The following ZZEF1 variants were observed in gnomAD, a reference collection of about 807,000 sequenced individuals.
The protein encoded by ZZEF1 is zinc finger ZZ-type and EF-hand domain containing 1.
ZZEF1 carries 157 observed loss-of-function variants against 342.8 expected under a neutral mutation model. The observed-to-expected ratio is 0.46, with a 90% confidence interval of 0.40 to 0.52. The LOEUF is 0.52. Among genes scored for constraint, ZZEF1 ranks in the 20% least tolerant of loss-of-function variants. The pLI is 0.00. For missense variants in ZZEF1, 3,480 were observed against 3,725.6 expected (o/e 0.93, Z 1.72); for synonymous variants, 1,505 against 1,429.1 (o/e 1.05, Z -1.20).
chr17:4,007,475 T>A (rs2055830300), intron 54 of ZZEF1, among the ~76,000 whole-genome samples: 1 of 151,168 alleles, frequency 6.6e-6, no homozygotes, highest in Non-Finnish European at 1.5e-5. Context: ...GGGAGAAACG[T>A]CAGGACACTG....
chr17:4,102,014 C>A (rs980579574), intron 9 of ZZEF1, among the ~76,000 whole-genome samples: 11 of 151,946 alleles, frequency 7.2e-5, no homozygotes. Flanking sequence ...GAAGATAACA[C>A]AATAGAAAGA....
rs1339227884 is a variant in ZZEF1, at chr17:4,016,303, C to T, written c.8145+20G>A. ...CTGCGGCTCAGTCGCTCTTATGGGG[C>T]CTGCCGGCCCCAGGCTTACCTCGAA... On this transcript the variant is annotated intron_variant, in intron 49 of 54. Coordinates refer to ENST00000381638, the MANE Select transcript of ZZEF1 (RefSeq NM_015113.4). This position sits in a 1 kb window ranked among gnomAD's most constrained non-coding sequence, Gnocchi z 4.4. The T allele has an allele frequency of 6.2e-7, 1 of 1,604,196 alleles. No homozygotes were observed. Among genetic ancestry groups the T allele is most frequent in the Non-Finnish European group, 8.5e-7 (1 of 1,176,666 alleles).
rs774456279 is a variant in ZZEF1 at position 4,104,643 on chromosome 17, G to C, written c.1563C>G (p.Leu521=). The change falls in exon 8 of 55, where the codon CTC becomes CTG. Residue 521 remains leucine, a synonymous_variant. Transcript: ENST00000381638. The part of the protein sequence containing the change: ...LSMASVRQNL[L]LKYGKPLQLT... ...TTTTACCATATTTACCATATTTGAG[G>C]AGCAGGTTCTGTCTGACTGACGCCA... The C allele has an allele frequency of 2.5e-6, 4 of 1,613,682 alleles. No homozygotes were observed. Among genetic ancestry groups the C allele is most frequent in the Non-Finnish European group, 3.4e-6 (4 of 1,179,898 alleles).
chr17:4,093,293 T>C (rs992702357), intron 11 of ZZEF1, among the ~76,000 whole-genome samples: 1 of 152,198 alleles, frequency 6.6e-6, no homozygotes, highest in African/African-American at 2.4e-5. Context: ...TAAAAAGGCA[T>C]ACACGTGTAA....
chr17:4,081,098 C>T lies in ZZEF1; in HGVS notation c.2829+278G>A, dbSNP rs567381910. On this transcript the variant is annotated intron_variant, in intron 18 of 54. Transcript: ENST00000381638. ...ACAAATAATTTAAAAATTAGCTGGG[C>T]GTGGTGGCGTGTGCCTGTGTCCCAG... Among the ~76,000 whole-genome samples the T allele has an allele frequency of 1.3e-4, 20 of 152,072 alleles. No individual in the cohort carries two copies. The East Asian group carries it at 2.3e-3, about 18-fold the overall frequency.
chr17:4,125,769 T>C (rs2058563337), intron 1 of ZZEF1, among the ~76,000 whole-genome samples: 1 of 151,988 alleles, frequency 6.6e-6, no homozygotes, highest in Admixed American at 6.6e-5. Context: ...CTGTGCCCTG[T>C]TGGGGGAATC....
At chr17:4,106,353 T>C (rs139973375) in intron 6 of ZZEF1, among the ~76,000 whole-genome samples, 2 of 152,068 alleles carry the variant, frequency 1.3e-5, no homozygotes, top group African/African-American at 4.8e-5. Flanking sequence ...CTCTGTTGAA[T>C]AAAACTTATT....
intron 30 of ZZEF1, among the ~76,000 whole-genome samples, chr17:4,061,513 C>T (rs368178678): frequency 1.1e-4 from 16 of 152,102 alleles, no homozygotes; most frequent in East Asian, 5.8e-4. Flanking sequence ...GACTTCTTTC[C>T]GTAACTTTAG....
intron 11 of ZZEF1, among the ~76,000 whole-genome samples, chr17:4,093,144 T>A (rs140147484): frequency 3.3e-5 from 5 of 152,046 alleles, no homozygotes; most frequent in African/African-American, 1.2e-4. Context: ...AAAAAAATCA[T>A]CCTGTATAAG....
chr17:4,087,385 ATTG>A, intron 14 of ZZEF1, 46 bp downstream of exon 14: 2 of 1,470,812 alleles, frequency 1.4e-6, no homozygotes, highest in South Asian at 2.5e-5. Flanking sequence ...AGTAAAACTC[ATTG>A]TTTTCAGTTT....
chr17:4,097,476 GGAAAAAAAAAAA>G (rs2058056792), intron 9 of ZZEF1, among the ~76,000 whole-genome samples: 1 of 113,964 alleles, frequency 8.8e-6, no homozygotes, highest in Non-Finnish European at 1.8e-5. Flanking sequence ...CTTTGAAATG[GGAAAAAAAAAAA>G]AAAAAAAAAA....
intron 1 of ZZEF1, among the ~76,000 whole-genome samples, chr17:4,137,269 C>T (rs1028773327): frequency 6.6e-6 from 1 of 152,130 alleles, no homozygotes; most frequent in South Asian, 2.1e-4. Flanking sequence ...GAAACCAATA[C>T]CATTAACTCC....
Position 4,005,179 on chromosome 17 carries a change from C to CG in ZZEF1, c.*1710_*1711insC, listed in dbSNP as rs1167265388. On this transcript the variant is annotated 3_prime_UTR_variant, in exon 55 of 55. Coordinates refer to ENST00000381638, the MANE Select transcript of ZZEF1 (RefSeq NM_015113.4). ...CCTGTGAGTCCCCTCTTGGGAAACT[C>CG]CTTACTGGGAGGCCTCCTCGGGTCT... The CG allele has an allele frequency of 6.6e-6, 1 of 152,298 alleles. No homozygotes were observed. The highest frequency in any genetic ancestry group is 1.9e-4 in the East Asian group (1 of 5,198). The allele number at this position is 152,298 out of a possible 1,614,324, so 9.4% of individuals were successfully genotyped here.
Position 4,070,867 on chromosome 17 carries a change from C to T in ZZEF1, c.3892G>A (p.Glu1298Lys), listed in dbSNP as rs1369666083. ...RHFLLDFAQS[E>K]PAQNFCGPYS... ...GGCCCACAGAAGTTCTGAGCAGGCT[C>T]TGACTGGGCAAAATCAAGAAGAAAA... Residue 1298 changes from glutamate (E) to lysine (K), a missense_variant, in exon 26 of 55, where the codon GAG becomes AAG. Physicochemically the swap from Glu to Lys is moderately conservative, Grantham distance 56. Around this residue, in one of 5 missense-constraint regions of ZZEF1, gnomAD observed 1,528 missense variants for 1,624.1 expected, o/e 0.94. Coordinates refer to ENST00000381638, the MANE Select transcript of ZZEF1 (RefSeq NM_015113.4). 1 of 1,613,984 alleles carries T rather than the reference C, an allele frequency of 6.2e-7. No individual in the cohort carries two copies. Among genetic ancestry groups the T allele is most frequent in the Non-Finnish European group, 8.5e-7 (1 of 1,180,034 alleles).
intron 13 of ZZEF1, among the ~76,000 whole-genome samples, chr17:4,088,251 A>G (rs2057877400): frequency 6.6e-6 from 1 of 152,202 alleles, no homozygotes; most frequent in South Asian, 2.1e-4. Flanking sequence ...GTTAGAAATC[A>G]AAAAATCATT....
Position 4,096,054 on chromosome 17 carries a change from A to G in ZZEF1, c.1765-75T>C, listed in dbSNP as rs2145410140. On this transcript the variant is annotated intron_variant, in intron 10 of 54. Coordinates refer to ENST00000381638, the MANE Select transcript of ZZEF1 (RefSeq NM_015113.4). The stretch of plus-strand genomic sequence containing the variant: ...GGCCGTTTTGTTTCCAGCATGGTTA[A>G]ATTCAAACAGGTTAAAACAAAACGA... The G allele has an allele frequency of 2.0e-6, 3 of 1,482,566 alleles. No homozygotes were observed. The East Asian group carries it at 6.9e-5, about 34-fold the overall frequency. 91.8% of individuals were successfully genotyped at this position (1,482,566 alleles called of 1,614,324 possible).
At chr17:4,015,106 G>A (rs1447324154) in intron 49 of ZZEF1, among the ~76,000 whole-genome samples, 2 of 152,132 alleles carry the variant, frequency 1.3e-5, no homozygotes, top group Non-Finnish European at 2.9e-5. Flanking sequence ...CAGCTGGTGT[G>A]GAGCAAGGCT....
chr17:4,070,328 G>T (rs2057483696), intron 26 of ZZEF1, among the ~76,000 whole-genome samples: 1 of 152,216 alleles, frequency 6.6e-6, no homozygotes, highest in African/African-American at 2.4e-5. Flanking sequence ...CTGAGGTGCA[G>T]AAAGGTCGTC....
intron 13 of ZZEF1, 102 bp downstream of exon 13, chr17:4,088,576 G>A (rs2057884281): frequency 1.6e-6 from 2 of 1,256,098 alleles, no homozygotes; most frequent in South Asian, 1.4e-5. Flanking sequence ...CCATCCTATT[G>A]GCTTCCGCAG....
Sources: allele counts gnomAD v4.1 joint callset (sites outside exome capture counted in the v4.1 genomes callset), GRCh38; gene constraint gnomAD v4.1.1; regional missense constraint gnomAD v4.1.1; non-coding constraint Gnocchi (gnomAD v3.1); transcripts MANE v1.5; gene names NCBI Gene and HGNC (gene_info 2026-07-23, HGNC 2026-07-21).